The following PSD3 variants were observed in gnomAD, a reference collection of about 807,000 sequenced individuals.
PSD3 encodes the protein PH and SEC7 domain-containing protein 3.
A neutral mutation model predicts 105.5 loss-of-function variants in PSD3; 49 were observed. The ratio of observed to expected loss-of-function variants is 0.46; its 90% CI spans 0.37 to 0.59. The LOEUF is 0.59. PSD3 is among the 20% of genes least tolerant of loss of function. PSD3 has a pLI of 0.00. For missense variants in PSD3, 1,561 were observed against 1,263.8 expected, an observed-to-expected ratio of 1.24 and a Z score of -3.57; for synonymous variants, 557 against 457.8, an observed-to-expected ratio of 1.22 and a Z score of -2.77.
At chr8:18,686,975 A>C (rs17644805) in intron 9 of PSD3, among the ~76,000 whole-genome samples, 2,394 of 152,220 alleles carry the variant, frequency 0.016, 52 homozygotes, top group East Asian at 0.04. Context: ...CACCCTAGTC[A>C]TTCATTTGCC....
chr8:18,718,937 T>G (rs569951310), intron 9 of PSD3, among the ~76,000 whole-genome samples: 30 of 152,226 alleles, frequency 2.0e-4, no homozygotes, highest in Admixed American at 4.6e-4. Flanking sequence ...TCACAGACCT[T>G]CAGTCTCCAC....
At chr8:19,061,789 AG>A (rs1828904996) in intron 1 of PSD3, among the ~76,000 whole-genome samples, 1 of 149,606 alleles carries the variant, frequency 6.7e-6, no homozygotes, top group Non-Finnish European at 1.5e-5. Context: ...TGGGCGACAG[AG>A]TGAGACTCCG....
intron 9 of PSD3, among the ~76,000 whole-genome samples, chr8:18,737,367 C>T (rs958200338): frequency 6.6e-6 from 1 of 152,104 alleles, no homozygotes; most frequent in Non-Finnish European, 1.5e-5. Flanking sequence ...TACTCTGTAG[C>T]CCAGGATGGA....
intron 9 of PSD3, chr8:18,762,996 G>C (rs1052502662): frequency 9.0e-7 from 1 of 1,110,456 alleles, no homozygotes; most frequent in African/African-American, 1.6e-5. Context: ...TGCCCATTTG[G>C]TTTCAGCATC....
At chr8:19,040,685 C>G (rs916831401) in intron 1 of PSD3, among the ~76,000 whole-genome samples, 1 of 152,158 alleles carries the variant, frequency 6.6e-6, no homozygotes, top group African/African-American at 2.4e-5. Context: ...CTGCAATCAG[C>G]CAGGTGAGAG....
chr8:19,065,026 C>T (rs76660709), intron 1 of PSD3, among the ~76,000 whole-genome samples: 1 of 151,896 alleles, frequency 6.6e-6, no homozygotes, highest in East Asian at 1.9e-4. Context: ...GCTAGTTTTC[C>T]AAAAAAACCA....
chr8:18,600,339 G>T (rs1474644344), intron 12 of PSD3, 25 bp downstream of exon 12: 1 of 1,587,442 alleles, frequency 6.3e-7, no homozygotes, highest in South Asian at 1.1e-5. Flanking sequence ...GAGTTTTGTG[G>T]ATTTTTTATC....
chr8:18,534,358 T>C lies in PSD3; in HGVS notation c.*1385A>G, dbSNP rs1341010517. ...CTCTAGGTCTCAGTGGGCTAAACTTTCACTCCTTTCTCTTCCTCTACAGAA... is the reference window on the plus strand; with the variant it reads ...CTCTAGGTCTCAGTGGGCTAAACTTCCACTCCTTTCTCTTCCTCTACAGAA... On this transcript the variant is annotated 3_prime_UTR_variant, in exon 16 of 16. Transcript: ENST00000327040. The C allele has an allele frequency of 6.6e-6, 1 of 152,642 alleles. No homozygotes were observed. The highest frequency in any genetic ancestry group is 6.5e-5 in the Admixed American group (1 of 15,284). The allele number at this position is 152,642 out of a possible 1,614,324, so 9.5% of individuals were successfully genotyped here. A position where few individuals can be genotyped will look rare whatever the true frequency, so the allele number is the denominator to read the frequency against.
chr8:18,964,643 T>C (rs1347850963), intron 1 of PSD3, among the ~76,000 whole-genome samples: 1 of 152,108 alleles, frequency 6.6e-6, no homozygotes, highest in Non-Finnish European at 1.5e-5. Flanking sequence ...CCTTCCTTGA[T>C]CTCCAAAGCT....
At chr8:19,013,467 C>CTGG in intron 1 of PSD3, 96 bp downstream of exon 1, 1 of 1,545,412 alleles carries the variant, frequency 6.5e-7, no homozygotes, top group Non-Finnish European at 8.7e-7. Context: ...CCCCGGGATC[C>CTGG]TGGGGGACAG....
At chr8:18,951,173 T>G (rs372811980) in intron 1 of PSD3, among the ~76,000 whole-genome samples, 1 of 151,952 alleles carries the variant, frequency 6.6e-6, no homozygotes, top group Admixed American at 6.6e-5. Context: ...GGTGGGAAGG[T>G]TGCTTGAGCC....
intron 9 of PSD3, among the ~76,000 whole-genome samples, chr8:18,681,333 G>A (rs1048211326): frequency 2.6e-5 from 4 of 151,746 alleles, no homozygotes; most frequent in Non-Finnish European, 4.4e-5. Flanking sequence ...CCAGCTGGGT[G>A]CAGTAGCTCG....
At chr8:18,917,552 A>G (rs779926750) in intron 2 of PSD3, among the ~76,000 whole-genome samples, 3 of 152,188 alleles carry the variant, frequency 2.0e-5, no homozygotes, top group Non-Finnish European at 2.9e-5. Context: ...CTGTTTTGTT[A>G]TATTGATAAC....
chr8:18,905,714 A>G (rs368351548), intron 2 of PSD3, among the ~76,000 whole-genome samples: 1 of 152,162 alleles, frequency 6.6e-6, no homozygotes, highest in African/African-American at 2.4e-5. Context: ...CTTACTTTTT[A>G]TCTTACATTT....
At chr8:19,079,336 A>C (rs976165257) in intron 1 of PSD3, among the ~76,000 whole-genome samples, 1 of 152,220 alleles carries the variant, frequency 6.6e-6, no homozygotes, top group African/African-American at 2.4e-5. Flanking sequence ...TAAATACCAC[A>C]TTCTTTTAAA....
intron 2 of PSD3, chr8:18,924,748 G>A (rs947648167): frequency 2.0e-5 from 3 of 152,218 alleles, no homozygotes; most frequent in Admixed American, 6.5e-5. Context: ...TAAAGCAGAC[G>A]CTCAACATTC....
chr8:19,055,487 A>C (rs924802569), intron 1 of PSD3, among the ~76,000 whole-genome samples: 1 of 152,180 alleles, frequency 6.6e-6, no homozygotes, highest in East Asian at 1.9e-4. Flanking sequence ...TCCTGACCTC[A>C]GGTGATTCAC....
rs539764138 is a variant in PSD3 at position 18,977,099 on chromosome 8, A to G, written c.21+36464T>C. On this transcript the variant is annotated intron_variant, in intron 1 of 15. Coordinates refer to ENST00000327040, the MANE Select transcript of PSD3 (RefSeq NM_015310.4). ...ACATGGTGAAACCCCATTTCTACTA[A>G]AAATACAAAAATTAGCCAGGTGTGC... Among the ~76,000 whole-genome samples the G allele has an allele frequency of 3.3e-5, 5 of 152,138 alleles. No individual in the cohort carries two copies. In the East Asian group the frequency reaches 9.7e-4, roughly 29 times the overall value.
chr8:18,803,395 G>GTT (rs1563288712), intron 6 of PSD3: 1 of 149,374 alleles, frequency 6.7e-6, no homozygotes, highest in East Asian at 1.9e-4. Context: ...TAAACTGTGT[G>GTT]TGTGTGTGTG....
Sources: gnomAD v4.1 joint callset for allele counts (sites outside exome capture counted in the v4.1 genomes callset) on GRCh38, gnomAD v4.1.1 for gene constraint, MANE v1.5 for transcripts, NCBI Gene and HGNC (gene_info 2026-07-23, HGNC 2026-07-21) for gene names.